DNAH14: variants seen among roughly 807,000 people sequenced by gnomAD.
The protein encoded by DNAH14 is axonemal beta dynein heavy chain 14.
A neutral mutation model predicts 520.9 loss-of-function variants in DNAH14; 478 were observed. That is an observed-to-expected ratio of 0.92 (90% confidence interval 0.85 to 0.99). The LOEUF is 0.99. Ranked by LOEUF, DNAH14 falls within the 50% of genes least tolerant of loss-of-function variation. The pLI, the probability that DNAH14 is intolerant of heterozygous loss-of-function variation, is 0.00. For missense variants in DNAH14, 4,831 were observed against 5,234.5 expected, an observed-to-expected ratio of 0.92 and a Z score of 2.38; for synonymous variants, 1,581 against 1,757.2, an observed-to-expected ratio of 0.90 and a Z score of 2.51.
chr1:225,216,834 G>A (rs572055129), intron 41 of DNAH14, among the ~76,000 whole-genome samples: 2 of 152,210 alleles, frequency 1.3e-5, no homozygotes, highest in East Asian at 3.9e-4. Context: ...TTTGCAATGG[G>A]TTCGAACATC....
chr1:225,232,597 C>T lies in DNAH14; in HGVS notation c.6518+1446C>T, dbSNP rs564168694. On this transcript the variant is annotated intron_variant, in intron 42 of 85. Coordinates refer to ENST00000682510, the MANE Select transcript of DNAH14 (RefSeq NM_001367479.1). This position sits in a 1 kb window ranked among gnomAD's most constrained non-coding sequence, Gnocchi z 4.2. ...TGTGCTTCAGTGACACTTGCTTTTT[C>T]TTCAGTTTCTCAAACAAGCCATGAT... Among the ~76,000 whole-genome samples the T allele has an allele frequency of 5.9e-5, 9 of 152,204 alleles. No individual in the cohort carries two copies. Among genetic ancestry groups the T allele is most frequent in the African/African-American group, 2.2e-4 (9 of 41,538 alleles).
intron 49 of DNAH14, among the ~76,000 whole-genome samples, chr1:225,267,663 A>G (rs1018044189): frequency 6.6e-6 from 1 of 152,078 alleles, no homozygotes; most frequent in African/African-American, 2.4e-5. Flanking sequence ...TTCTCTGGAA[A>G]TCATAAGCCC....
chr1:225,322,233 G>T (rs1388663171), intron 61 of DNAH14, among the ~76,000 whole-genome samples: 1 of 151,320 alleles, frequency 6.6e-6, no homozygotes, highest in Non-Finnish European at 1.5e-5. Context: ...GGGACTACAG[G>T]CACCCGCCAC....
At chr1:225,319,403 A>G (rs2094521294) in intron 61 of DNAH14, among the ~76,000 whole-genome samples, 1 of 152,300 alleles carries the variant, frequency 6.6e-6, no homozygotes, top group Non-Finnish European at 1.5e-5. Flanking sequence ...ACGTCTTGGA[A>G]TGTGTTGAGT....
chr1:225,220,109 C>T lies in DNAH14; in HGVS notation c.6440-10964C>T, dbSNP rs568425115. On this transcript the variant is annotated intron_variant, in intron 41 of 85. Transcript: ENST00000682510. The stretch of plus-strand genomic sequence containing the variant: ...AAGGCCTTCGATATAATTCAACACA[C>T]CTTTATGCTAAAAACACTCAATAAA... Among the ~76,000 whole-genome samples, 11 of 152,160 alleles carry T rather than the reference C, an allele frequency of 7.2e-5. No homozygotes were observed. In the East Asian group the frequency reaches 2.1e-3, roughly 29 times the overall value.
intron 44 of DNAH14, among the ~76,000 whole-genome samples, chr1:225,257,059 T>G (rs566459050): frequency 7.2e-5 from 11 of 152,122 alleles, no homozygotes; most frequent in Non-Finnish European, 1.5e-4. Flanking sequence ...TTGTAACAAT[T>G]TTGGCTTATT....
At chr1:225,125,477 A>G (rs2077643588) in intron 27 of DNAH14, among the ~76,000 whole-genome samples, 1 of 152,186 alleles carries the variant, frequency 6.6e-6, no homozygotes, top group South Asian at 2.1e-4. Context: ...GCACTTTTAC[A>G]TTACTGAGAC....
chr1:225,006,826 G>A (rs1459206710), intron 9 of DNAH14, among the ~76,000 whole-genome samples: 2 of 151,968 alleles, frequency 1.3e-5, no homozygotes, highest in South Asian at 2.1e-4. Context: ...CTCCCTATTC[G>A]TACACTCCCT....
intron 73 of DNAH14, among the ~76,000 whole-genome samples, chr1:225,356,454 C>T (rs1319040144): frequency 6.6e-6 from 1 of 152,190 alleles, no homozygotes; most frequent in Non-Finnish European, 1.5e-5. Context: ...TTTTCTTCTT[C>T]TATCCAACCC....
chr1:225,212,383 T>C (rs1264019768), intron 41 of DNAH14, among the ~76,000 whole-genome samples: 2 of 152,160 alleles, frequency 1.3e-5, no homozygotes, highest in Admixed American at 1.3e-4. Context: ...CATGTGTCTT[T>C]ATAGCAACAT....
In DNAH14 at chr1:225,094,672, A is replaced by AC. The variant is rs1288561750; in HGVS notation, c.3574-2446_3574-2445insC. Among the ~76,000 whole-genome samples, 17 of 100,874 alleles carry AC rather than the reference A, an allele frequency of 1.7e-4. No homozygotes were observed. The African/African-American group carries it at 1.8e-3, about 11-fold the overall frequency. The allele number at this position is 100,874 out of a possible 152,430, so 66.2% of individuals were successfully genotyped here. ...TCTGCACAGCAAAAAAAAAAAAAAA[A>AC]AAAAAACAACAAAACAAACAAACAA... is the stretch of plus-strand genomic sequence containing the variant. On this transcript the variant is annotated intron_variant, in intron 21 of 85. Coordinates refer to ENST00000682510, the MANE Select transcript of DNAH14 (RefSeq NM_001367479.1).
intron 10 of DNAH14, among the ~76,000 whole-genome samples, chr1:225,022,608 G>T (rs568944412): frequency 1.3e-5 from 2 of 152,124 alleles, no homozygotes; most frequent in African/African-American, 4.8e-5. Flanking sequence ...ATAGATGCTG[G>T]TGAGGATGTG....
At chr1:225,051,077 C>T (rs993827897) in intron 16 of DNAH14, among the ~76,000 whole-genome samples, 1 of 152,178 alleles carries the variant, frequency 6.6e-6, no homozygotes, top group African/African-American at 2.4e-5. Context: ...TCCTAACAGG[C>T]CGTGGACTGG....
Position 225,377,185 on chromosome 1 carries a change from T to G in DNAH14, c.12517-52T>G, listed in dbSNP as rs1575102947. On this transcript the variant is annotated intron_variant, in intron 78 of 85. Coordinates refer to ENST00000682510, the MANE Select transcript of DNAH14 (RefSeq NM_001367479.1). Reference sequence around the variant, plus strand: ...TACTCTGGCAAAAACCAACAAAGTGTTCAGAAGTAGCAGGATTGAAGAAAA... The same window carrying G: ...TACTCTGGCAAAAACCAACAAAGTGGTCAGAAGTAGCAGGATTGAAGAAAA... 4 of 1,350,006 alleles carry G rather than the reference T, an allele frequency of 3.0e-6. No individual in the cohort carries two copies. The East Asian group carries it at 1.1e-4, about 38-fold the overall frequency. 83.6% of individuals were successfully genotyped at this position (1,350,006 alleles called of 1,614,324 possible).
At chr1:225,012,840 T>G (rs986446282) in intron 10 of DNAH14, among the ~76,000 whole-genome samples, 1 of 152,194 alleles carries the variant, frequency 6.6e-6, no homozygotes, top group African/African-American at 2.4e-5. Context: ...TGTAAACTGG[T>G]TATTCTAGTT....
chr1:224,994,721 T>C (rs905754797), intron 8 of DNAH14, among the ~76,000 whole-genome samples: 1 of 152,108 alleles, frequency 6.6e-6, no homozygotes, highest in Non-Finnish European at 1.5e-5. Context: ...TTCATTGTTT[T>C]CTGGTTGTTT....
intron 60 of DNAH14, among the ~76,000 whole-genome samples, chr1:225,311,613 A>G (rs1438528614): frequency 6.6e-6 from 1 of 152,052 alleles, no homozygotes; most frequent in African/African-American, 2.4e-5. Context: ...ATCCACCTTG[A>G]GTTAATTTTT....
intron 8 of DNAH14, among the ~76,000 whole-genome samples, chr1:224,974,937 CGTT>C (rs1465966403): frequency 1.3e-5 from 2 of 151,536 alleles, no homozygotes; most frequent in East Asian, 3.9e-4. Context: ...TAGCATGAAG[CGTT>C]GTTGAATTTT....
intron 54 of DNAH14, among the ~76,000 whole-genome samples, chr1:225,280,822 A>C (rs2093612926): frequency 6.6e-6 from 1 of 152,190 alleles, no homozygotes; most frequent in South Asian, 2.1e-4. Flanking sequence ...AATGGAGAAC[A>C]GAAGGCATTG....
Sources: gnomAD v4.1 joint callset for allele counts (sites outside exome capture counted in the v4.1 genomes callset) on GRCh38, gnomAD v4.1.1 for gene constraint, Gnocchi (gnomAD v3.1) non-coding constraint, MANE v1.5 for transcripts, NCBI Gene and HGNC (gene_info 2026-07-23, HGNC 2026-07-21) for gene names.